The following DPP10 variants were observed in gnomAD, a reference collection of about 807,000 sequenced individuals.
DPP10 encodes inactive dipeptidyl peptidase 10.
In DPP10, 33 loss-of-function variants were observed where a neutral mutation model predicts 120.9. The ratio of observed to expected loss-of-function variants is 0.27; its 90% CI spans 0.21 to 0.37. DPP10 has a LOEUF of 0.37. Ranked by LOEUF, DPP10 falls within the 10% of genes least tolerant of loss-of-function variation. The pLI is 1.00. For missense variants in DPP10, 816 were observed against 942.8 expected, an observed-to-expected ratio of 0.87 and a Z score of 1.76; for synonymous variants, 337 against 326.1, an observed-to-expected ratio of 1.03 and a Z score of -0.36.
intron 7 of DPP10, among the ~76,000 whole-genome samples, chr2:115,712,928 A>G (rs1468606849): frequency 1.3e-5 from 2 of 152,102 alleles, no homozygotes; most frequent in East Asian, 1.9e-4. Flanking sequence ...AAAAAGAGGA[A>G]CAGACTAGAT....
chr2:114,950,967 T>C (rs1004592370), intron 1 of DPP10, among the ~76,000 whole-genome samples: 4 of 152,110 alleles, frequency 2.6e-5, no homozygotes, highest in African/African-American at 7.2e-5. Flanking sequence ...GGGATGACAA[T>C]AGCAAGATAC....
chr2:115,113,269 C>CTA (rs369335277), intron 1 of DPP10, among the ~76,000 whole-genome samples: 299 of 149,268 alleles, frequency 2.0e-3, no homozygotes, highest in African/African-American at 5.4e-3. Flanking sequence ...TGTATATATG[C>CTA]TATATATATA....
Position 114,788,180 on chromosome 2 carries a change from A to C in DPP10, c.60+345342A>C, listed in dbSNP as rs561161247. On this transcript the variant is annotated intron_variant, in intron 1 of 25. Coordinates refer to ENST00000410059, the MANE Select transcript of DPP10 (RefSeq NM_020868.6). Reference sequence around the variant, plus strand: ...ACTATAATTAAATTGAACTATATAAAAAATGACTTTTTAGATCATAGATAA... The same window carrying C: ...ACTATAATTAAATTGAACTATATAACAAATGACTTTTTAGATCATAGATAA... 2.6e-5 allele frequency among the ~76,000 whole-genome samples: 4 copies of C among 152,330 alleles called. No homozygotes were observed. In the East Asian group the frequency reaches 7.7e-4, roughly 29 times the overall value.
chr2:114,516,168 T>C (rs1178147705), intron 1 of DPP10, among the ~76,000 whole-genome samples: 2 of 152,216 alleles, frequency 1.3e-5, no homozygotes, highest in Non-Finnish European at 2.9e-5. Context: ...TTAGAACAAC[T>C]GTTCTAGAAA....
At chr2:114,664,571 G>A (rs2105581166) in intron 1 of DPP10, among the ~76,000 whole-genome samples, 1 of 148,420 alleles carries the variant, frequency 6.7e-6, no homozygotes, top group East Asian at 2.0e-4. Flanking sequence ...GGAGGTTGCA[G>A]TGAGCCGAGA....
intron 7 of DPP10, among the ~76,000 whole-genome samples, chr2:115,706,489 T>TACACAATG (rs2092111874): frequency 6.6e-6 from 1 of 151,952 alleles, no homozygotes; most frequent in Admixed American, 6.6e-5. Flanking sequence ...TAATCTAATA[T>TACACAATG]ACACAATGTA....
chr2:114,923,174 AT>A lies in DPP10; in HGVS notation c.61-386057del, dbSNP rs368507814. Among the ~76,000 whole-genome samples, 81 of 147,872 alleles carry A rather than the reference AT, an allele frequency of 5.5e-4. 1 individual carries two copies. Among genetic ancestry groups the A allele is most frequent in the African/African-American group, 1.2e-3 (49 of 40,200 alleles). On this transcript the variant is annotated intron_variant, in intron 1 of 25. Coordinates refer to ENST00000410059, the MANE Select transcript of DPP10 (RefSeq NM_020868.6). ...TTTATAATTTTTTTTCCCATTCTGT[AT>A]TTTTTTTCTTTTTTCTTTTTTTTTT...
At chr2:114,745,127 C>A (rs1190533112) in intron 1 of DPP10, among the ~76,000 whole-genome samples, 1 of 152,172 alleles carries the variant, frequency 6.6e-6, no homozygotes, top group East Asian at 1.9e-4. Context: ...TCAAGAATAT[C>A]TTGATAATTG....
At chr2:114,655,246 A>C (rs1040677652) in intron 1 of DPP10, among the ~76,000 whole-genome samples, 26 of 152,320 alleles carry the variant, frequency 1.7e-4, no homozygotes, top group Middle Eastern at 3.4e-3. Context: ...TGGAGGGTTC[A>C]AACAAACAAG....
intron 3 of DPP10, among the ~76,000 whole-genome samples, chr2:115,470,164 C>A (rs1192558772): frequency 6.6e-6 from 1 of 152,098 alleles, no homozygotes; most frequent in African/African-American, 2.4e-5. Context: ...CAAGAATGTT[C>A]AACTCGGATA....
At chr2:115,534,911 T>C (rs2078710852) in intron 5 of DPP10, among the ~76,000 whole-genome samples, 1 of 152,050 alleles carries the variant, frequency 6.6e-6, no homozygotes, top group Non-Finnish European at 1.5e-5. Flanking sequence ...AAATGTCTTC[T>C]TTTGAGAAGT....
chr2:115,722,104 G>GA (rs2092662619), intron 7 of DPP10, among the ~76,000 whole-genome samples: 1 of 152,024 alleles, frequency 6.6e-6, no homozygotes, highest in Admixed American at 6.6e-5. Context: ...AGGGAGAAGG[G>GA]AAAATGGGAA....
chr2:115,737,277 A>G (rs911083655), intron 8 of DPP10, among the ~76,000 whole-genome samples: 1 of 152,104 alleles, frequency 6.6e-6, no homozygotes, highest in African/African-American at 2.4e-5. Flanking sequence ...TTCTGGCTCA[A>G]TTTCACTTTT....
chr2:115,645,126 G>A (rs1240938317), intron 5 of DPP10, among the ~76,000 whole-genome samples: 1 of 152,086 alleles, frequency 6.6e-6, no homozygotes, highest in Non-Finnish European at 1.5e-5. Context: ...GGATCATATA[G>A]GAAGCCAAGA....
intron 1 of DPP10, among the ~76,000 whole-genome samples, chr2:114,731,860 C>G (rs1676951661): frequency 6.6e-6 from 1 of 152,134 alleles, no homozygotes; most frequent in African/African-American, 2.4e-5. Context: ...GGGTCACATG[C>G]ATTCATGTTA....
At chr2:114,580,305 A>G (rs1205494055) in intron 1 of DPP10, among the ~76,000 whole-genome samples, 1 of 152,252 alleles carries the variant, frequency 6.6e-6, no homozygotes, top group African/African-American at 2.4e-5. Context: ...GAATTGATAC[A>G]TTAAAGATGT....
At chr2:115,350,176 T>G (rs990543432) in intron 3 of DPP10, among the ~76,000 whole-genome samples, 1 of 152,198 alleles carries the variant, frequency 6.6e-6, no homozygotes, top group African/African-American at 2.4e-5. Flanking sequence ...TAAAAATTAA[T>G]ATTTAAAATA....
At chr2:114,954,733 G>T (rs55743008) in intron 1 of DPP10, among the ~76,000 whole-genome samples, 20,804 of 151,988 alleles carry the variant, frequency 0.14, 1,557 homozygotes, top group Non-Finnish European at 0.16. Flanking sequence ...AAAAAATATA[G>T]AGAGAGAAAG....
intron 7 of DPP10, among the ~76,000 whole-genome samples, chr2:115,704,170 G>T (rs554378184): frequency 4.0e-5 from 6 of 151,704 alleles, no homozygotes; most frequent in Non-Finnish European, 5.9e-5. Flanking sequence ...CAAACTCTTT[G>T]TGATTTCTGG....
Sources: allele counts gnomAD v4.1 joint callset (sites outside exome capture counted in the v4.1 genomes callset), GRCh38; gene constraint gnomAD v4.1.1; transcripts MANE v1.5; gene names NCBI Gene and HGNC (gene_info 2026-07-23, HGNC 2026-07-21).